The following MTHFD1L variants were observed in gnomAD, a reference collection of about 807,000 sequenced individuals.
MTHFD1L encodes the protein methylenetetrahydrofolate dehydrogenase (NADP+ dependent) 1 like, also known as monofunctional C1-tetrahydrofolate synthase, mitochondrial.
In MTHFD1L, 81 loss-of-function variants were observed where a neutral mutation model predicts 119.5. The ratio of observed to expected loss-of-function variants is 0.68; its 90% CI spans 0.57 to 0.82. The LOEUF is 0.82. MTHFD1L is among the 40% of genes least tolerant of loss of function. MTHFD1L has a pLI of 0.00. For synonymous variants in MTHFD1L, 430 were observed against 475.2 expected (o/e 0.90, Z 1.24); for missense variants, 1,125 against 1,253.4 (o/e 0.90, Z 1.55).
chr6:151,083,836 G>GA, intron 26 of MTHFD1L, among the ~76,000 whole-genome samples: 1 of 152,158 alleles, frequency 6.6e-6, no homozygotes, highest in East Asian at 1.9e-4. Flanking sequence ...TTATTTTTAA[G>GA]AAAAAAGCTC....
intron 20 of MTHFD1L, among the ~76,000 whole-genome samples, chr6:150,994,945 A>G (rs1207556353): frequency 1.3e-5 from 2 of 152,150 alleles, no homozygotes; most frequent in African/African-American, 4.8e-5. Flanking sequence ...GGCATAATGA[A>G]ACCTTGTTTT....
At chr6:150,951,333 A>G (rs150714675) in intron 16 of MTHFD1L, among the ~76,000 whole-genome samples, 12 of 152,238 alleles carry the variant, frequency 7.9e-5, no homozygotes, top group African/African-American at 2.9e-4. Flanking sequence ...CACCCAGCCT[A>G]GAAACTTTCA....
intron 1 of MTHFD1L, chr6:150,866,777 GC>G: frequency 1.1e-6 from 1 of 872,378 alleles, no homozygotes; most frequent in Non-Finnish European, 1.4e-6. Context: ...CGAACTGGGA[GC>G]CCCGGGCCCG....
Position 150,941,917 on chromosome 6 carries a change from A to G in MTHFD1L, c.1441-2569A>G, listed in dbSNP as rs575528536. 2.0e-5 allele frequency among the ~76,000 whole-genome samples: 3 copies of G among 152,342 alleles called. No homozygotes were observed. In the East Asian group the frequency reaches 5.8e-4, roughly 29 times the overall value. On this transcript the variant is annotated intron_variant, in intron 13 of 27. Coordinates refer to ENST00000367321, the MANE Select transcript of MTHFD1L (RefSeq NM_015440.5). ...AAACATCGAAAAAGAAATATTAACT[A>G]AATGCATATTCATCTTCACCAATAA...
chr6:150,933,778 T>C (rs1031188358), intron 11 of MTHFD1L, among the ~76,000 whole-genome samples: 3 of 152,028 alleles, frequency 2.0e-5, no homozygotes, highest in African/African-American at 7.2e-5. Context: ...TTCTCCAGGG[T>C]CCTCTTATTT....
intron 26 of MTHFD1L, among the ~76,000 whole-genome samples, chr6:151,051,088 C>G (rs970894421): frequency 6.6e-6 from 1 of 152,170 alleles, no homozygotes. Context: ...GTCTTTCCAT[C>G]CTGAGGCTAG....
In MTHFD1L at chr6:150,957,663, T is replaced by A. The variant is rs534800469; in HGVS notation, c.1803+1592T>A. Reference sequence around the variant, plus strand: ...ATATTTGGTCCGCCATTTTGTCCCATGGGAGAGTTGAAATTAATAAATGTG... The same window carrying A: ...ATATTTGGTCCGCCATTTTGTCCCAAGGGAGAGTTGAAATTAATAAATGTG... On this transcript the variant is annotated intron_variant, in intron 17 of 27. Coordinates refer to ENST00000367321, the MANE Select transcript of MTHFD1L (RefSeq NM_015440.5). Among the ~76,000 whole-genome samples the A allele has an allele frequency of 3.3e-5, 5 of 152,268 alleles. No homozygotes were observed. In the East Asian group the frequency reaches 9.6e-4, roughly 29 times the overall value.
intron 20 of MTHFD1L, among the ~76,000 whole-genome samples, chr6:150,981,815 G>A (rs1444756906): frequency 1.3e-5 from 2 of 152,238 alleles, no homozygotes; most frequent in Non-Finnish European, 2.9e-5. Context: ...GCCAGGCACA[G>A]TGGCTCATGC....
chr6:150,865,863 G>C lies in MTHFD1L; in HGVS notation c.41G>C (p.Arg14Pro). ...CCGCTCGTCCTGCGCCAGCTCCGCCGCCCGCCCCAGCCCCCGGGCCCTCCG... is the reference window on the plus strand; with the variant it reads ...CCGCTCGTCCTGCGCCAGCTCCGCCCCCCGCCCCAGCCCCCGGGCCCTCCG... ...RLPLVLRQLRRPPQPPGPPRR... is the reference protein window; with the variant it reads ...RLPLVLRQLRPPPQPPGPPRR... The change falls in exon 1 of 28, where the codon CGC (arginine) becomes CCC (proline). Residue 14 changes from arginine to proline, a missense_variant. Arg to Pro is a moderately radical substitution (Grantham distance 103). Coordinates refer to ENST00000367321, the MANE Select transcript of MTHFD1L (RefSeq NM_015440.5). The C allele has an allele frequency of 8.3e-7, 1 of 1,205,618 alleles. No homozygotes were observed. The highest frequency in any genetic ancestry group is 1.0e-6 in the Non-Finnish European group (1 of 972,826). 74.7% of individuals were successfully genotyped at this position (1,205,618 alleles called of 1,614,324 possible). A position where few individuals can be genotyped will look rare whatever the true frequency, so the allele number is the denominator to read the frequency against.
chr6:151,044,450 C>T (rs118077196), intron 26 of MTHFD1L, among the ~76,000 whole-genome samples: 3,964 of 151,590 alleles, frequency 0.026, 120 homozygotes, highest in Admixed American at 0.092. Flanking sequence ...TACAGGTGGC[C>T]GCCACTACGC....
chr6:151,099,882 C>T (rs916391978), intron 27 of MTHFD1L: 49 of 1,512,500 alleles, frequency 3.2e-5, no homozygotes, highest in Non-Finnish European at 4.3e-5. Context: ...CCCAACTGGC[C>T]ATCACAGTCA....
At chr6:150,916,167 A>G (rs1402075286) in intron 8 of MTHFD1L, among the ~76,000 whole-genome samples, 1 of 152,134 alleles carries the variant, frequency 6.6e-6, no homozygotes, top group African/African-American at 2.4e-5. Flanking sequence ...AGGAGAAAAT[A>G]GTGTCTTCAA....
chr6:150,962,675 G>A (rs1470821982), intron 18 of MTHFD1L, among the ~76,000 whole-genome samples: 3 of 152,206 alleles, frequency 2.0e-5, no homozygotes, highest in African/African-American at 4.8e-5. Context: ...GCGCTGAGAT[G>A]TGTCCCAGAA....
At chr6:150,934,321 G>T (rs796657196) in intron 11 of MTHFD1L, among the ~76,000 whole-genome samples, 51 of 152,184 alleles carry the variant, frequency 3.4e-4, no homozygotes, top group African/African-American at 1.1e-3. Flanking sequence ...TAATTTGCCG[G>T]GTCTCACCTA....
At chr6:150,966,899 C>A (rs891229705) in intron 19 of MTHFD1L, among the ~76,000 whole-genome samples, 1 of 152,154 alleles carries the variant, frequency 6.6e-6, no homozygotes, top group African/African-American at 2.4e-5. Flanking sequence ...CTGCAGGTGT[C>A]CCCTGAGCTG....
At chr6:151,015,011 C>A in intron 23 of MTHFD1L, 31 bp downstream of exon 23, 1 of 1,569,960 alleles carries the variant, frequency 6.4e-7, no homozygotes, top group Non-Finnish European at 8.8e-7. Context: ...TAAATGTGGG[C>A]ATTATCACTA....
At chr6:150,934,954 A>C (rs1462529229) in intron 11 of MTHFD1L, 1 of 1,523,836 alleles carries the variant, frequency 6.6e-7, no homozygotes, top group African/African-American at 1.4e-5. Flanking sequence ...TGGGACATTT[A>C]TTTGCACCTG....
chr6:150,897,285 C>T (rs886661482), intron 7 of MTHFD1L, among the ~76,000 whole-genome samples: 1 of 152,206 alleles, frequency 6.6e-6, no homozygotes, highest in Admixed American at 6.5e-5. Flanking sequence ...GTTTTCCCAA[C>T]ATTACCTCCC....
In MTHFD1L at chr6:150,866,523, GCCCA is replaced by G. The variant is rs1443839081; in HGVS notation, c.227+475_227+478del. 228 of 1,276,788 alleles carry G rather than the reference GCCCA, an allele frequency of 1.8e-4. 1 individual carries two copies. Among genetic ancestry groups the G allele is most frequent in the South Asian group, 1.6e-3 (61 of 38,840 alleles). The allele number at this position is 1,276,788 out of a possible 1,614,324, so 79.1% of individuals were successfully genotyped here. On this transcript the variant is annotated intron_variant, in intron 1 of 27. Transcript: ENST00000367321. ...CGGAGCTCGGGAGAGGCGGGCTCGG[GCCCA>G]GCGCCGCCCGCGCGAAGCTCCCTGG...
Sources: allele counts gnomAD v4.1 joint callset (sites outside exome capture counted in the v4.1 genomes callset), GRCh38; gene constraint gnomAD v4.1.1; transcripts MANE v1.5; gene names NCBI Gene and HGNC (gene_info 2026-07-23, HGNC 2026-07-21).